Variants in ST8SIA6 observed in about 807,000 individuals in gnomAD.
ST8SIA6 encodes the protein alpha-2,8-sialyltransferase 8F.
Under a neutral mutation model 33.6 loss-of-function variants are expected in ST8SIA6, and 39 were observed. The ratio of observed to expected loss-of-function variants is 1.16; its 90% CI spans 0.90 to 1.52. The LOEUF (loss-of-function observed/expected upper bound fraction) is 1.52. Among genes scored for constraint, ST8SIA6 ranks in the 40% most tolerant of loss-of-function variants. ST8SIA6 has a pLI of 0.00. For missense variants in ST8SIA6, 441 were observed against 443.8 expected (o/e 0.99, Z 0.06); for synonymous variants, 172 against 167.2 (o/e 1.03, Z -0.22).
At chr10:17,361,091 T>C (rs896767694) in intron 3 of ST8SIA6, among the ~76,000 whole-genome samples, 11 of 152,112 alleles carry the variant, frequency 7.2e-5, no homozygotes, top group Admixed American at 7.2e-4. Flanking sequence ...TTAGAAGGGC[T>C]ATATTCATAG....
chr10:17,411,403 G>C (rs1044375056), intron 2 of ST8SIA6, among the ~76,000 whole-genome samples: 3 of 151,998 alleles, frequency 2.0e-5, no homozygotes, highest in Non-Finnish European at 4.4e-5. Context: ...GGCTGGTCTC[G>C]AACTCCTGAC....
chr10:17,347,953 C>CAAAAAA (rs55996465), intron 4 of ST8SIA6, among the ~76,000 whole-genome samples: 5,549 of 68,350 alleles, frequency 0.081, 216 homozygotes, highest in South Asian at 0.11. Context: ...GACTCTGTCT[C>CAAAAAA]AAAAAAAAAA....
chr10:17,394,125 T>G (rs1850718360), intron 2 of ST8SIA6, among the ~76,000 whole-genome samples: 2 of 152,208 alleles, frequency 1.3e-5, no homozygotes, highest in African/African-American at 4.8e-5. Flanking sequence ...CCTATGCCTC[T>G]TCTTAAATCA....
At chr10:17,395,491 C>T (rs1850773293) in intron 2 of ST8SIA6, among the ~76,000 whole-genome samples, 1 of 152,126 alleles carries the variant, frequency 6.6e-6, no homozygotes, top group Non-Finnish European at 1.5e-5. Flanking sequence ...ACCCTGAAGC[C>T]AGGCTCTTAC....
intron 2 of ST8SIA6, among the ~76,000 whole-genome samples, chr10:17,436,584 CATT>C (rs1313251733): frequency 8.4e-5 from 12 of 142,304 alleles, no homozygotes; most frequent in African/African-American, 3.1e-4. Flanking sequence ...CAAGTGTTCT[CATT>C]GTTCAATTCC....
At chr10:17,352,311 A>G (rs1473710394) in intron 4 of ST8SIA6, among the ~76,000 whole-genome samples, 2 of 152,214 alleles carry the variant, frequency 1.3e-5, no homozygotes, top group Admixed American at 6.5e-5. Flanking sequence ...GTAAAAGACC[A>G]GCTCATATAT....
chr10:17,354,856 C>T lies in ST8SIA6; in HGVS notation c.377+4658G>A, dbSNP rs1849144224. 2.0e-5 allele frequency among the ~76,000 whole-genome samples: 3 copies of T among 152,274 alleles called. No homozygotes were observed. In the South Asian group the frequency reaches 6.2e-4, roughly 32 times the overall value. On this transcript the variant is annotated intron_variant, in intron 4 of 7. Transcript: ENST00000377602. ...TTTCCCAGAAACGTGTACAAAATCT[C>T]ACAATTTTGAGAGTTTTAGGAAACC...
chr10:17,365,103 CATAAA>C, intron 3 of ST8SIA6, among the ~76,000 whole-genome samples: 1 of 152,204 alleles, frequency 6.6e-6, no homozygotes, highest in African/African-American at 2.4e-5. Context: ...TGTCCCAAGA[CATAAA>C]ATAAATCACA....
intron 2 of ST8SIA6, among the ~76,000 whole-genome samples, chr10:17,424,981 C>T (rs1415701877): frequency 5.3e-5 from 8 of 151,764 alleles, no homozygotes; most frequent in Admixed American, 3.9e-4. Flanking sequence ...GTGATTCTCC[C>T]GCCTCAGCCT....
Position 17,319,390 on chromosome 10 carries a change from C to G in ST8SIA6, c.*1488G>C, listed in dbSNP as rs1408366740. On this transcript the variant is annotated 3_prime_UTR_variant, in exon 8 of 8. Coordinates refer to ENST00000377602, the MANE Select transcript of ST8SIA6 (RefSeq NM_001004470.3). ...TGTTTAGCCAAAGATTTTTGGCTAA[C>G]GTGAATCTAGGTAGGATTGTTGTAA... Among the ~76,000 whole-genome samples, 1 of 152,036 alleles carries G rather than the reference C, an allele frequency of 6.6e-6. No individual in the cohort carries two copies. The highest frequency in any genetic ancestry group is 1.5e-5 in the Non-Finnish European group (1 of 68,026).
At chr10:17,345,195 C>A (rs1389931215) in intron 4 of ST8SIA6, among the ~76,000 whole-genome samples, 1 of 152,152 alleles carries the variant, frequency 6.6e-6, no homozygotes, top group Non-Finnish European at 1.5e-5. Flanking sequence ...GCACAAAGGC[C>A]CACTTCCTCT....
intron 2 of ST8SIA6, among the ~76,000 whole-genome samples, chr10:17,429,469 A>G (rs1370688710): frequency 6.6e-6 from 1 of 151,434 alleles, no homozygotes; most frequent in Non-Finnish European, 1.5e-5. Flanking sequence ...GACACAGCTC[A>G]GCGGCTGCTT....
chr10:17,347,953 C>CAAAAAAAAAAAAAAAAGAAAAAAAAA (rs1848896167), intron 4 of ST8SIA6, among the ~76,000 whole-genome samples: 1 of 68,640 alleles, frequency 1.5e-5, no homozygotes, highest in Non-Finnish European at 2.8e-5. Context: ...GACTCTGTCT[C>CAAAAAAAAAAAAAAAAGAAAAAAAAA]AAAAAAAAAA....
chr10:17,321,932 A>G (rs1044856853), intron 7 of ST8SIA6, among the ~76,000 whole-genome samples: 4 of 151,958 alleles, frequency 2.6e-5, no homozygotes, highest in African/African-American at 7.2e-5. Context: ...CCCGCCCCAC[A>G]TCTCTATAAA....
At chr10:17,360,912 G>GAAGGGATGAAGAAGAAGAA (rs1849362084) in intron 3 of ST8SIA6, among the ~76,000 whole-genome samples, 1 of 98,254 alleles carries the variant, frequency 1.0e-5, no homozygotes, top group Non-Finnish European at 2.1e-5. Flanking sequence ...AAGAAGAAGA[G>GAAGGGATGAAGAAGAAGAA]GAAGAAGGGA....
chr10:17,447,592 G>T (rs1852765024), intron 2 of ST8SIA6, among the ~76,000 whole-genome samples: 1 of 151,682 alleles, frequency 6.6e-6, no homozygotes, highest in African/African-American at 2.4e-5. Flanking sequence ...AAAGAACAAA[G>T]AACTGAAGAA....
At chr10:17,331,653 C>A in intron 4 of ST8SIA6, 101 bp from the exon 5 acceptor site, 1 of 1,210,442 alleles carries the variant, frequency 8.3e-7, no homozygotes, top group Non-Finnish European at 1.1e-6. Context: ...GCCAAACTGA[C>A]TTTCAAAAAG....
chr10:17,453,551 C>T lies in ST8SIA6; in HGVS notation c.200+8G>A. 5 of 1,312,228 alleles carry T rather than the reference C, an allele frequency of 3.8e-6. No individual in the cohort carries two copies. Among genetic ancestry groups the T allele is most frequent in the Middle Eastern group, 2.2e-4 (1 of 4,552 alleles). The allele number at this position is 1,312,228 out of a possible 1,614,324, so 81.3% of individuals were successfully genotyped here. ...GCCCCAGTCCGCCCGCGCTGGGCGC[C>T]GCTGTACCTGTTAGTGGCGCGCGGT... On this transcript the variant is annotated splice_region_variant and intron_variant, in intron 2 of 7. Transcript: ENST00000377602.
intron 2 of ST8SIA6, among the ~76,000 whole-genome samples, chr10:17,397,245 T>TA (rs950732929): frequency 1.3e-5 from 2 of 148,766 alleles, no homozygotes; most frequent in Non-Finnish European, 3.0e-5. Context: ...TTTTTTTTTT[T>TA]TTTTTGAGAC....
Sources: allele counts gnomAD v4.1 joint callset (sites outside exome capture counted in the v4.1 genomes callset), GRCh38; gene constraint gnomAD v4.1.1; transcripts MANE v1.5; gene names NCBI Gene and HGNC (gene_info 2026-07-23, HGNC 2026-07-21).